SRL: variants seen among roughly 807,000 people sequenced by gnomAD.
The protein encoded by SRL is sarcalumenin.
In SRL, 23 loss-of-function variants were observed where a neutral mutation model predicts 39.5. The observed-to-expected ratio is 0.58, with a 90% CI of 0.42 to 0.82. SRL has a LOEUF of 0.82. SRL is among the 40% of genes least tolerant of loss of function. The pLI, the probability that SRL is intolerant of heterozygous loss-of-function variation, is 0.00. For synonymous variants in SRL, 272 were observed against 237.4 expected, an observed-to-expected ratio of 1.15 and a Z score of -1.34; for missense variants, 592 against 607.8, an observed-to-expected ratio of 0.97 and a Z score of 0.27.
intron 1 of SRL, among the ~76,000 whole-genome samples, chr16:4,232,898 G>A (rs905132083): frequency 6.6e-6 from 1 of 152,190 alleles, no homozygotes; most frequent in Admixed American, 6.5e-5. Context: ...TGCAGTTTTG[G>A]CAGCAATCCA....
chr16:4,203,107 G>A lies in SRL; in HGVS notation c.259+59C>T, dbSNP rs374624485. 2.9e-5 allele frequency: 43 copies of A among 1,497,074 alleles called. No homozygotes were observed. The African/African-American group carries it at 4.7e-4, about 16-fold the overall frequency. The allele number at this position is 1,497,074 out of a possible 1,614,324, so 92.7% of individuals were successfully genotyped here. A position where few individuals can be genotyped will look rare whatever the true frequency, so the allele number is the denominator to read the frequency against. On this transcript the variant is annotated intron_variant, in intron 3 of 5. Transcript: ENST00000399609. ...CCAGGCCGGTCAGCAGTGTGGCCCC[G>A]CCGACAGGCCTGCGCCGTACCCGTA...
chr16:4,201,244 G>C (rs1356154264), intron 3 of SRL, among the ~76,000 whole-genome samples: 2 of 151,754 alleles, frequency 1.3e-5, no homozygotes, highest in Non-Finnish European at 2.9e-5. Context: ...CTCCCGAGTA[G>C]CTGGGACCAC....
In SRL at chr16:4,201,116, A is replaced by G. The variant is rs544514588; in HGVS notation, c.259+2050T>C. On this transcript the variant is annotated intron_variant, in intron 3 of 5. Coordinates refer to ENST00000399609, the MANE Select transcript of SRL (RefSeq NM_001098814.2). ...CAAAATGTTTAATTCCAGGGTTCCA[A>G]TTTTTTTTTTTTTTTGAGACAGGGT... 3.4e-5 allele frequency among the ~76,000 whole-genome samples: 5 copies of G among 146,650 alleles called. No individual in the cohort carries two copies. The South Asian group carries it at 8.6e-4, about 25-fold the overall frequency.
intron 1 of SRL, chr16:4,207,310 C>A: frequency 2.2e-6 from 1 of 456,860 alleles, no homozygotes; most frequent in Middle Eastern, 3.3e-4. Context: ...CCTGCCTTAA[C>A]GCTTTGGGCG....
At position 4,196,503 on chromosome 16, in the gene SRL, G is replaced by A. The variant is rs535490458; in HGVS notation, c.377-717C>T. On this transcript the variant is annotated intron_variant, in intron 4 of 5. Transcript: ENST00000399609. ...TTTTTTTTTTTTTTTCCTTTTTGGAGCAGAGTCTCACTCTATCGCCCAGGC... is the reference window on the plus strand; with the variant it reads ...TTTTTTTTTTTTTTTCCTTTTTGGAACAGAGTCTCACTCTATCGCCCAGGC... 2.2e-3 allele frequency among the ~76,000 whole-genome samples: 299 copies of A among 134,546 alleles called. 1 individual carries two copies. Among genetic ancestry groups the A allele is most frequent in the African/African-American group, 8.2e-3 (289 of 35,326 alleles). The allele number at this position is 134,546 out of a possible 152,430, so 88.3% of individuals were successfully genotyped here.
chr16:4,225,429 A>G (rs1157597675), intron 1 of SRL, among the ~76,000 whole-genome samples: 1 of 151,840 alleles, frequency 6.6e-6, no homozygotes, highest in African/African-American at 2.4e-5. Context: ...CCAAAAATAC[A>G]AAAAATGAGC....
intron 1 of SRL, among the ~76,000 whole-genome samples, chr16:4,232,083 C>G (rs546566957): frequency 1.3e-5 from 2 of 152,156 alleles, no homozygotes; most frequent in African/African-American, 4.8e-5. Context: ...CCCAGGCCAG[C>G]CGCTCTGCCT....
intron 1 of SRL, among the ~76,000 whole-genome samples, chr16:4,208,725 C>A (rs1052314593): frequency 3.9e-5 from 6 of 152,144 alleles, no homozygotes; most frequent in Admixed American, 2.0e-4. Context: ...ACACATCTAA[C>A]CCTGTCCCAG....
At chr16:4,198,630 T>G (rs60944216) in intron 3 of SRL, among the ~76,000 whole-genome samples, 5,453 of 152,186 alleles carry the variant, frequency 0.036, 305 homozygotes, top group African/African-American at 0.12. Flanking sequence ...TTTTTTTTTG[T>G]AGAGATGGGG....
chr16:4,202,592 C>CAAAAA (rs59918885), intron 3 of SRL, among the ~76,000 whole-genome samples: 1 of 140,266 alleles, frequency 7.1e-6, no homozygotes. Flanking sequence ...GACTCCATCT[C>CAAAAA]AAAAAAAAAA....
At position 4,217,793 on chromosome 16, in the gene SRL, C is replaced by T. The variant is rs539976959; in HGVS notation, c.62-13159G>A. 2.6e-5 allele frequency among the ~76,000 whole-genome samples: 4 copies of T among 152,314 alleles called. No individual in the cohort carries two copies. In the South Asian group the frequency reaches 8.3e-4, roughly 32 times the overall value. ...AAGAGCAAAGACACCAGGCCAAATC[C>T]CAAATTTGCTGAGTGGGCCACAGCA... On this transcript the variant is annotated intron_variant, in intron 1 of 5. Coordinates refer to ENST00000399609, the MANE Select transcript of SRL (RefSeq NM_001098814.2).
intron 1 of SRL, among the ~76,000 whole-genome samples, chr16:4,223,904 C>T (rs745780378): frequency 8.5e-5 from 13 of 152,220 alleles, no homozygotes; most frequent in African/African-American, 2.4e-4. Flanking sequence ...GGGCCACAGG[C>T]GGCCAACAAA....
chr16:4,208,855 G>A (rs113943587), intron 1 of SRL, among the ~76,000 whole-genome samples: 2 of 152,122 alleles, frequency 1.3e-5, no homozygotes, highest in African/African-American at 2.4e-5. Flanking sequence ...CCTTCCAAGG[G>A]GATCCCCTTG....
At chr16:4,238,011 A>G (rs1045470264) in intron 1 of SRL, among the ~76,000 whole-genome samples, 5 of 152,158 alleles carry the variant, frequency 3.3e-5, no homozygotes, top group African/African-American at 1.2e-4. Context: ...CTGAGGACAA[A>G]ATGCCTGTCT....
rs763622146 is a variant in SRL, at chr16:4,203,221, G to A, written c.204C>T (p.Ile68=). The change falls in exon 3 of 6, where the codon ATC becomes ATT. Residue 68 remains isoleucine, a synonymous_variant. Transcript: ENST00000399609. ...QRLRKIYHSS[I]KPLEQSYKYN... is the part of the protein sequence containing the mutation. ...ACTTGTAGGACTGCTCCAGAGGCTT[G>A]ATGGATGAGTGGTAGATCTTCCGAA... The A allele has an allele frequency of 1.5e-5, 25 of 1,614,222 alleles. No homozygotes were observed. The South Asian group carries it at 2.4e-4, about 16-fold the overall frequency.
chr16:4,240,050 C>G (rs2052756199), intron 1 of SRL, among the ~76,000 whole-genome samples: 1 of 152,200 alleles, frequency 6.6e-6, no homozygotes, highest in African/African-American at 2.4e-5. Flanking sequence ...AGGAGGGCTG[C>G]AGAGCCCACC....
chr16:4,194,354 GT>G (rs1456780666), intron 5 of SRL, among the ~76,000 whole-genome samples: 2 of 152,130 alleles, frequency 1.3e-5, no homozygotes, highest in Admixed American at 1.3e-4. Context: ...AACCACTCTG[GT>G]TTCTGTCTTT....
At position 4,212,320 on chromosome 16, in the gene SRL, T is replaced by C. The variant is rs376200343; in HGVS notation, c.62-7686A>G. Among the ~76,000 whole-genome samples the C allele has an allele frequency of 4.2e-4, 64 of 152,280 alleles. 1 individual carries two copies. In the South Asian group the frequency reaches 9.7e-3, roughly 23 times the overall value. ...TCTCTCAATGAAACAAGCTGTCCCA[T>C]TGGGCCCCAGAGCTCACTCCCCAGG... On this transcript the variant is annotated intron_variant, in intron 1 of 5. Coordinates refer to ENST00000399609, the MANE Select transcript of SRL (RefSeq NM_001098814.2).
At chr16:4,232,385 C>A (rs1368260571) in intron 1 of SRL, among the ~76,000 whole-genome samples, 1 of 152,188 alleles carries the variant, frequency 6.6e-6, no homozygotes. Context: ...TGGCTAGAGG[C>A]CTCTCTGGTG....
Sources: allele counts gnomAD v4.1 joint callset (sites outside exome capture counted in the v4.1 genomes callset), GRCh38; gene constraint gnomAD v4.1.1; transcripts MANE v1.5; gene names NCBI Gene and HGNC (gene_info 2026-07-23, HGNC 2026-07-21).